SMYD4: variants seen among roughly 807,000 people sequenced by gnomAD.
SMYD4 encodes the protein protein-lysine N-methyltransferase SMYD4.
Under a neutral mutation model 72.8 loss-of-function variants are expected in SMYD4, and 68 were observed. That is an observed-to-expected ratio of 0.93 (90% CI 0.77 to 1.14). The LOEUF (loss-of-function observed/expected upper bound fraction) is 1.14, where lower values mean the gene tolerates loss of function less well. Ranked by LOEUF, SMYD4 falls within the 50% of genes most tolerant of loss-of-function variation. SMYD4 has a pLI of 0.00. For synonymous variants in SMYD4, 407 were observed against 388.6 expected (o/e 1.05, Z -0.56); for missense variants, 984 against 1,003.7 (o/e 0.98, Z 0.27).
chr17:1,828,161 T>A (rs975828719), intron 1 of SMYD4, among the ~76,000 whole-genome samples, 155 bp from the exon 2 acceptor site: 1 of 152,036 alleles, frequency 6.6e-6, no homozygotes, highest in African/African-American at 2.4e-5. Context: ...CCATCCTGGC[T>A]AACACAGTGA....
chr17:1,804,447 GAT>G, intron 4 of SMYD4, 177 bp downstream of exon 4: 2 of 521,006 alleles, frequency 3.8e-6, no homozygotes, highest in South Asian at 3.9e-5. Context: ...AAAGTGCTGA[GAT>G]TACAGGCAAT....
intron 2 of SMYD4, among the ~76,000 whole-genome samples, chr17:1,812,689 C>A (rs1377161549): frequency 1.3e-5 from 2 of 150,526 alleles, no homozygotes; most frequent in African/African-American, 2.4e-5. Flanking sequence ...GGTGGGATTA[C>A]AGGCGCCCAT....
chr17:1,797,297 A>G (rs539954138), intron 5 of SMYD4, among the ~76,000 whole-genome samples: 8 of 152,360 alleles, frequency 5.3e-5, no homozygotes, highest in Admixed American at 2.0e-4. Context: ...TGAAAAAATT[A>G]AGAAAAGTAT....
chr17:1,796,262 T>G (rs1359234390), intron 5 of SMYD4, among the ~76,000 whole-genome samples: 1 of 149,924 alleles, frequency 6.7e-6, no homozygotes, highest in Non-Finnish European at 1.5e-5. Flanking sequence ...GCTTCCCAAG[T>G]AGCTGGGACC....
intron 5 of SMYD4, among the ~76,000 whole-genome samples, chr17:1,792,549 G>C (rs563612360): frequency 3.0e-4 from 45 of 152,240 alleles, no homozygotes; most frequent in Non-Finnish European, 5.4e-4. Flanking sequence ...CCTGAGGAGG[G>C]AGGATCAGTT....
intron 5 of SMYD4, among the ~76,000 whole-genome samples, chr17:1,794,019 A>G (rs540333000): frequency 1.2e-3 from 80 of 68,300 alleles, no homozygotes; most frequent in Admixed American, 5.6e-3. Context: ...ATATATATAT[A>G]TGTGTGTATA....
chr17:1,818,861 T>C (rs889769115), intron 2 of SMYD4, among the ~76,000 whole-genome samples: 13 of 151,986 alleles, frequency 8.6e-5, no homozygotes, highest in African/African-American at 3.1e-4. Context: ...TTGCCCAGGC[T>C]GGCCTCAAAC....
rs955925219 is a variant in SMYD4, at chr17:1,829,825, T to C, written c.-112A>G. On this transcript the variant is annotated 5_prime_UTR_variant, in exon 1 of 11. Coordinates refer to ENST00000305513, the MANE Select transcript of SMYD4 (RefSeq NM_052928.3). ...TCCCTCCCAGCGCCCGCGCAGCTCC[T>C]GGCGCGCCCCTTGGCGCCCCGCTCC... is the stretch of plus-strand genomic sequence containing the variant. 2.5e-5 allele frequency: 7 copies of C among 274,642 alleles called. No individual in the cohort carries two copies. Among genetic ancestry groups the C allele is most frequent in the Non-Finnish European group, 4.7e-5 (7 of 149,164 alleles). 17.0% of individuals were successfully genotyped at this position (274,642 alleles called of 1,614,324 possible).
At chr17:1,807,118 G>A (rs1042224248) in intron 3 of SMYD4, among the ~76,000 whole-genome samples, 2 of 151,980 alleles carry the variant, frequency 1.3e-5, no homozygotes, top group African/African-American at 2.4e-5. Flanking sequence ...TTGAACTCCT[G>A]ACCTCAGGTG....
intron 2 of SMYD4, among the ~76,000 whole-genome samples, chr17:1,813,005 C>T (rs1910416328): frequency 6.6e-6 from 1 of 151,572 alleles, no homozygotes; most frequent in Admixed American, 6.6e-5. Context: ...GTGGTGCAAT[C>T]TCAGCTCACT....
chr17:1,809,475 A>C (rs1434007533), intron 3 of SMYD4, among the ~76,000 whole-genome samples: 80 of 134,470 alleles, frequency 5.9e-4, no homozygotes, highest in Middle Eastern at 4.9e-3. Context: ...CCCGGGTTCA[A>C]GCAATTCTCC....
At chr17:1,801,750 G>A (rs1361597088) in intron 4 of SMYD4, among the ~76,000 whole-genome samples, 1 of 151,054 alleles carries the variant, frequency 6.6e-6, no homozygotes, top group East Asian at 2.0e-4. Context: ...GCCGAGGCGA[G>A]CAGATCACGA....
intron 2 of SMYD4, among the ~76,000 whole-genome samples, chr17:1,822,137 G>A (rs963758062): frequency 7.3e-5 from 11 of 151,520 alleles, no homozygotes; most frequent in Non-Finnish European, 1.5e-4. Context: ...GGGAGACTGA[G>A]GCAAGATAAT....
intron 2 of SMYD4, among the ~76,000 whole-genome samples, chr17:1,826,491 C>CAAAAAAAAAAAAAA (rs111636314): frequency 4.8e-5 from 5 of 103,112 alleles, no homozygotes; most frequent in East Asian, 4.1e-4. Context: ...AAACTCTGTC[C>CAAAAAAAAAAAAAA]AAAAAAAAAA....
At position 1,784,318 on chromosome 17, in the gene SMYD4, A is replaced by C. The variant is rs1211943403; in HGVS notation, c.2020+8T>G. On this transcript the variant is annotated splice_region_variant and intron_variant, in intron 8 of 10. Coordinates refer to ENST00000305513, the MANE Select transcript of SMYD4 (RefSeq NM_052928.3). Reference sequence around the variant, plus strand: ...GGCTGGAGGACCAAAGCAGGGAGCCAGTCTCACCTAGTTCACCATCTCTGA... The same window carrying C: ...GGCTGGAGGACCAAAGCAGGGAGCCCGTCTCACCTAGTTCACCATCTCTGA... The C allele has an allele frequency of 6.2e-7, 1 of 1,614,172 alleles. No homozygotes were observed. Among genetic ancestry groups the C allele is most frequent in the Non-Finnish European group, 8.5e-7 (1 of 1,179,996 alleles).
At chr17:1,798,065 G>C (rs1909499121) in intron 5 of SMYD4, among the ~76,000 whole-genome samples, 1 of 151,744 alleles carries the variant, frequency 6.6e-6, no homozygotes. Flanking sequence ...TCTTTCTGCA[G>C]TCTGGTTTGA....
chr17:1,789,848 T>C (rs1384756748), intron 5 of SMYD4, among the ~76,000 whole-genome samples: 1 of 152,136 alleles, frequency 6.6e-6, no homozygotes, highest in Non-Finnish European at 1.5e-5. Context: ...TACTATCTGT[T>C]GCTAAGGAGA....
At chr17:1,807,385 C>T (rs1359880497) in intron 3 of SMYD4, among the ~76,000 whole-genome samples, 3 of 150,854 alleles carry the variant, frequency 2.0e-5, no homozygotes, top group African/African-American at 4.9e-5. Flanking sequence ...AGTGAAGTGG[C>T]GTGTTCTTGG....
chr17:1,803,113 G>A (rs1371531489), intron 4 of SMYD4, among the ~76,000 whole-genome samples: 1 of 152,212 alleles, frequency 6.6e-6, no homozygotes, highest in African/African-American at 2.4e-5. Context: ...CTGCACTGAC[G>A]CCTGGGCGAC....
Sources: allele counts gnomAD v4.1 joint callset (sites outside exome capture counted in the v4.1 genomes callset), GRCh38; gene constraint gnomAD v4.1.1; transcripts MANE v1.5; gene names NCBI Gene and HGNC (gene_info 2026-07-23, HGNC 2026-07-21).